The following SMG6 variants were observed in gnomAD, a reference collection of about 807,000 sequenced individuals.
SMG6 encodes SMG6 nonsense mediated mRNA decay factor.
In SMG6, 66 loss-of-function variants were observed where a neutral mutation model predicts 142.2. The ratio of observed to expected loss-of-function variants is 0.46; its 90% CI spans 0.38 to 0.57. The LOEUF (loss-of-function observed/expected upper bound fraction) is 0.57. Among genes scored for constraint, SMG6 ranks in the 20% least tolerant of loss-of-function variants. The pLI, the probability that SMG6 is intolerant of heterozygous loss-of-function variation, is 0.00. For missense variants in SMG6, 1,793 were observed against 1,832.0 expected, an observed-to-expected ratio of 0.98 and a Z score of 0.39; for synonymous variants, 779 against 702.4, an observed-to-expected ratio of 1.11 and a Z score of -1.72.
At chr17:2,237,711 C>T in intron 9 of SMG6, 1 of 248,892 alleles carries the variant, frequency 4.0e-6, no homozygotes, top group Non-Finnish European at 6.4e-6. Context: ...TCAAATCACT[C>T]CTTGCCAAAT....
At chr17:2,219,262 G>A (rs1032455699) in intron 10 of SMG6, among the ~76,000 whole-genome samples, 3 of 152,118 alleles carry the variant, frequency 2.0e-5, no homozygotes, top group Non-Finnish European at 2.9e-5. Context: ...GCGGGCACCT[G>A]TAGTCCCAGC....
At chr17:2,265,374 G>T (rs1345424154) in intron 8 of SMG6, among the ~76,000 whole-genome samples, 2 of 136,686 alleles carry the variant, frequency 1.5e-5, no homozygotes, top group Non-Finnish European at 3.4e-5. Flanking sequence ...GCAGCGGGTG[G>T]TGACAGGAGC....
chr17:2,089,286 C>G (rs977589473), intron 13 of SMG6, among the ~76,000 whole-genome samples: 1 of 152,084 alleles, frequency 6.6e-6, no homozygotes, highest in South Asian at 2.1e-4. Context: ...GGAGAGGCTC[C>G]CTTCCTGGGC....
intron 18 of SMG6, 49 bp from the exon 19 acceptor site, chr17:2,061,671 G>A: frequency 6.5e-7 from 1 of 1,543,792 alleles, no homozygotes; most frequent in Non-Finnish European, 8.8e-7. Context: ...AGGAGGCAGA[G>A]GGCTGGCTGC....
chr17:2,260,752 TG>T (rs1265513084), intron 8 of SMG6, among the ~76,000 whole-genome samples: 2 of 152,104 alleles, frequency 1.3e-5, no homozygotes, highest in Non-Finnish European at 2.9e-5. Context: ...CCCAGCACTT[TG>T]GGAGGCCGAG....
intron 1 of SMG6, chr17:2,303,190 G>A: frequency 3.0e-6 from 3 of 985,460 alleles, no homozygotes; most frequent in Non-Finnish European, 3.6e-6. Context: ...CGAAGTCGCA[G>A]GCTCTTAAAC....
chr17:2,225,201 G>T (rs975189520), intron 10 of SMG6, among the ~76,000 whole-genome samples: 1 of 152,084 alleles, frequency 6.6e-6, no homozygotes, highest in Non-Finnish European at 1.5e-5. Context: ...GTTAAGGCCA[G>T]GCGCAGTGGC....
chr17:2,197,920 G>T lies in SMG6; in HGVS notation c.2870-9405C>A, dbSNP rs544890254. Among the ~76,000 whole-genome samples, 133 of 152,258 alleles carry T rather than the reference G, an allele frequency of 8.7e-4. 1 individual carries two copies. Among genetic ancestry groups the T allele is most frequent in the African/African-American group, 3.0e-3 (124 of 41,536 alleles). On this transcript the variant is annotated intron_variant, in intron 10 of 18. Coordinates refer to ENST00000263073, the MANE Select transcript of SMG6 (RefSeq NM_017575.5). ...TATAGCTGCTCTGGAAAATAGTTTG[G>T]CAGTTTCTTCTAAAACTAAAAATGC...
chr17:2,084,116 C>G (rs1322589809), intron 14 of SMG6, among the ~76,000 whole-genome samples: 1 of 152,252 alleles, frequency 6.6e-6, no homozygotes, highest in East Asian at 1.9e-4. Context: ...CCTCACTTGC[C>G]TCACTGGATT....
rs144594724 is a variant in SMG6 at position 2,299,054 on chromosome 17, C to G, written c.1699G>C (p.Glu567Gln). ...SPLPTSTMSP[E>Q]EVEQHMRNLQ... The stretch of plus-strand genomic sequence containing the variant: ...TTCCTCATGTGCTGCTCTACCTCCT[C>G]GGGACTCATGGTGCTGGTAGGTAGA... The change falls in exon 2 of 19, where the codon GAG becomes CAG. Residue 567 changes from glutamate (E) to glutamine (Q), a missense_variant. Glu to Gln is a conservative substitution (Grantham distance 29). Coordinates refer to ENST00000263073, the MANE Select transcript of SMG6 (RefSeq NM_017575.5). This position sits in a 1 kb window ranked among gnomAD's most constrained non-coding sequence, Gnocchi z 4.3. 2.4e-5 allele frequency: 38 copies of G among 1,614,172 alleles called. No homozygotes were observed. The African/African-American group carries it at 4.4e-4, about 19-fold the overall frequency.
rs556732843 is a variant in SMG6 at position 2,267,004 on chromosome 17, C to T, written c.2661+15643G>A. 5.9e-5 allele frequency among the ~76,000 whole-genome samples: 9 copies of T among 152,302 alleles called. No individual in the cohort carries two copies. The South Asian group carries it at 1.9e-3, about 32-fold the overall frequency. On this transcript the variant is annotated intron_variant, in intron 8 of 18. Coordinates refer to ENST00000263073, the MANE Select transcript of SMG6 (RefSeq NM_017575.5). ...AAAAAGAAAACCAATCTGCTTCTTC[C>T]CACAGAAAGAGGCTCTAATGAACTG... is the stretch of plus-strand genomic sequence containing the variant.
At chr17:2,199,901 T>C (rs534879454) in intron 10 of SMG6, 1 of 151,750 alleles carries the variant, frequency 6.6e-6, no homozygotes, top group Non-Finnish European at 1.5e-5. Flanking sequence ...AGCACGATTC[T>C]GTCTCAAAAA....
chr17:2,284,380 T>C (rs1222683501), intron 6 of SMG6, among the ~76,000 whole-genome samples: 1 of 152,072 alleles, frequency 6.6e-6, no homozygotes, highest in Non-Finnish European at 1.5e-5. Context: ...AGTAGCTGAG[T>C]TGAACATTTT....
chr17:2,231,182 G>A (rs995333722), intron 10 of SMG6, among the ~76,000 whole-genome samples: 1 of 152,188 alleles, frequency 6.6e-6, no homozygotes. Context: ...ACGTCTCTGA[G>A]ATTGTTGTAT....
At chr17:2,296,584 T>C (rs1232676240) in intron 4 of SMG6, among the ~76,000 whole-genome samples, 4 of 152,164 alleles carry the variant, frequency 2.6e-5, no homozygotes, top group African/African-American at 4.8e-5. Flanking sequence ...GCAAACCCTA[T>C]TGTGAACTAA....
At chr17:2,065,445 C>T (rs2067913462) in intron 17 of SMG6, 23 bp downstream of exon 17, 5 of 1,604,768 alleles carry the variant, frequency 3.1e-6, no homozygotes, top group Non-Finnish European at 4.3e-6. Flanking sequence ...TGTGGGCTTT[C>T]CCTTCCTGCC....
At chr17:2,245,691 G>A (rs573861876) in intron 8 of SMG6, among the ~76,000 whole-genome samples, 1 of 151,934 alleles carries the variant, frequency 6.6e-6, no homozygotes, top group East Asian at 1.9e-4. Context: ...AGCATGTTTT[G>A]TTGTTTTGAG....
intron 9 of SMG6, among the ~76,000 whole-genome samples, chr17:2,242,689 T>TAAAAAAAAAAAAAAAAAAAAAAA (rs57079220): frequency 5.4e-5 from 3 of 55,838 alleles, no homozygotes; most frequent in East Asian, 5.1e-4. Flanking sequence ...TCCATCTCTT[T>TAAAAAAAAAAAAAAAAAAAAAAA]AAAAAAAAAA....
intron 10 of SMG6, among the ~76,000 whole-genome samples, chr17:2,212,288 C>A (rs17761746): frequency 6.6e-6 from 1 of 151,936 alleles, no homozygotes; most frequent in Non-Finnish European, 1.5e-5. Flanking sequence ...AAAAGATAGA[C>A]CCAAAAAAGT....
Sources: gnomAD v4.1 joint callset for allele counts (sites outside exome capture counted in the v4.1 genomes callset) on GRCh38, gnomAD v4.1.1 for gene constraint, Gnocchi (gnomAD v3.1) non-coding constraint, MANE v1.5 for transcripts, NCBI Gene and HGNC (gene_info 2026-07-23, HGNC 2026-07-21) for gene names.